ENAH: variants seen among roughly 807,000 people sequenced by gnomAD.
ENAH encodes the protein ENAH actin regulator.
In ENAH, 23 loss-of-function variants were observed where a neutral mutation model predicts 78.7. The observed-to-expected ratio is 0.29, with a 90% CI of 0.21 to 0.41. The LOEUF is 0.41. Among genes scored for constraint, ENAH ranks in the 10% least tolerant of loss-of-function variants. The pLI, the probability that ENAH is intolerant of heterozygous loss-of-function variation, is 1.00. For synonymous variants in ENAH, 226 were observed against 241.0 expected (o/e 0.94, Z 0.58); for missense variants, 544 against 691.0 (o/e 0.79, Z 2.39).
chr1:225,628,909 A>G (rs1433324631), intron 1 of ENAH, among the ~76,000 whole-genome samples: 1 of 151,086 alleles, frequency 6.6e-6, no homozygotes, highest in Non-Finnish European at 1.5e-5. Context: ...TCCGTCTCAA[A>G]AAAAAAAAAA....
intron 1 of ENAH, among the ~76,000 whole-genome samples, chr1:225,628,942 G>A (rs566304261): frequency 6.6e-6 from 1 of 151,392 alleles, no homozygotes; most frequent in African/African-American, 2.4e-5. Flanking sequence ...ACTGTGAACA[G>A]ATATGAAAAG....
chr1:225,557,467 T>G (rs2096672741), intron 2 of ENAH, among the ~76,000 whole-genome samples: 1 of 152,188 alleles, frequency 6.6e-6, no homozygotes, highest in Non-Finnish European at 1.5e-5. Context: ...AAAGTGTTCA[T>G]AACAAGTATC....
chr1:225,506,918 T>C (rs1032255257), intron 11 of ENAH, among the ~76,000 whole-genome samples: 1 of 152,164 alleles, frequency 6.6e-6, no homozygotes, highest in African/African-American at 2.4e-5. Flanking sequence ...AAGTTGCTTT[T>C]TACGAGACAA....
chr1:225,615,902 C>A (rs916554173), intron 1 of ENAH, among the ~76,000 whole-genome samples: 1 of 152,000 alleles, frequency 6.6e-6, no homozygotes. Context: ...GGGAAATGTG[C>A]GGAAAAGAAA....
intron 1 of ENAH, among the ~76,000 whole-genome samples, chr1:225,620,256 G>A (rs562342946): frequency 1.2e-4 from 18 of 151,952 alleles, no homozygotes; most frequent in African/African-American, 2.9e-4. Flanking sequence ...GGCCTCGCGC[G>A]GTGGTTCACA....
At chr1:225,653,385 G>A (rs551224078), upstream of ENAH, among the ~76,000 whole-genome samples, 1 of 151,418 alleles carries the variant, frequency 6.6e-6, no homozygotes, top group Admixed American at 6.6e-5. The surrounding 1 kb of genome is among the most constrained non-coding windows in gnomAD (Gnocchi z 4.3). Flanking sequence ...CCCGCCCCCT[G>A]CACCCCTCTG....
chr1:225,596,684 T>C (rs763238509), intron 1 of ENAH, among the ~76,000 whole-genome samples: 2 of 152,240 alleles, frequency 1.3e-5, no homozygotes, highest in African/African-American at 2.4e-5. Flanking sequence ...TCTAAATCCA[T>C]TGTAATGTTT....
Position 225,497,804 on chromosome 1 carries a change from G to C in ENAH, c.1684C>G (p.Gln562Glu), listed in dbSNP as rs2096256844. The C allele has an allele frequency of 1.2e-6, 2 of 1,611,990 alleles. No individual in the cohort carries two copies. The highest frequency in any genetic ancestry group is 2.2e-5 in the South Asian group (2 of 90,946). ...GCAGTATTTGACTTGCTCAGTTCCT[G>C]CCTGATTGCTGGATGGAAAAGAACA... Reference protein sequence around the residue: ...LKEELIDAIRQELSKSNTA With the variant: ...LKEELIDAIREELSKSNTA Residue 562 changes from glutamine to glutamate, a missense_variant, in exon 14 of 14, where the codon CAG becomes GAG. By Grantham distance (29) the Gln-to-Glu change is conservative. This residue lies in a region of ENAH where 97 missense variants were observed against 124.4 expected (regional missense o/e 0.78). Coordinates refer to ENST00000366843, the MANE Select transcript of ENAH (RefSeq NM_018212.6).
chr1:225,645,506 C>T (rs1240671499), intron 1 of ENAH, among the ~76,000 whole-genome samples: 1 of 152,160 alleles, frequency 6.6e-6, no homozygotes, highest in Non-Finnish European at 1.5e-5. Flanking sequence ...CATTTGTGTA[C>T]AAGTTTTTCT....
chr1:225,606,552 A>G (rs1486810216), intron 1 of ENAH, among the ~76,000 whole-genome samples: 1 of 152,134 alleles, frequency 6.6e-6, no homozygotes, highest in Non-Finnish European at 1.5e-5. Flanking sequence ...TCCATTCAAA[A>G]TAAGTCAACT....
In ENAH at chr1:225,615,411, C is replaced by T. The variant is rs376974833; in HGVS notation, c.5+37275G>A. Among the ~76,000 whole-genome samples, 5 of 152,178 alleles carry T rather than the reference C, an allele frequency of 3.3e-5. No individual in the cohort carries two copies. The East Asian group carries it at 5.8e-4, about 18-fold the overall frequency. ...CTCGCTACAACCTCCACCTCCCAGC[C>T]GCCTGCCTTGGCCTCCCAAAGTGCC... On this transcript the variant is annotated intron_variant, in intron 1 of 13. Coordinates refer to ENST00000366843, the MANE Select transcript of ENAH (RefSeq NM_018212.6).
Position 225,519,393 on chromosome 1 carries a change from G to T in ENAH, c.607C>A (p.Arg203Ser). 6.2e-7 allele frequency: 1 copy of T among 1,606,370 alleles called. No individual in the cohort carries two copies. ...TCCAGGCGTTCCTGCCGCTCCAGGCGTTCCTGCCGTTCCCGTTCTTGTCTC... is the reference window on the plus strand; with the variant it reads ...TCCAGGCGTTCCTGCCGCTCCAGGCTTTCCTGCCGTTCCCGTTCTTGTCTC... ...RERQERERQERLERQERLERQ... is the reference protein window; with the variant it reads ...RERQERERQESLERQERLERQ... The change falls in exon 5 of 14, where the codon CGC (arginine) becomes AGC (serine). Residue 203 changes from arginine to serine, a missense_variant. Around this residue, in one of 4 missense-constraint regions of ENAH, gnomAD observed 366 missense variants for 396.1 expected, o/e 0.92. Coordinates refer to ENST00000366843, the MANE Select transcript of ENAH (RefSeq NM_018212.6).
chr1:225,528,116 ACTT>A (rs755987184), intron 4 of ENAH, among the ~76,000 whole-genome samples: 100 of 152,266 alleles, frequency 6.6e-4, no homozygotes, highest in Non-Finnish European at 9.7e-4. Context: ...AGTACCAGAA[ACTT>A]CTTAACTTTT....
In ENAH at chr1:225,489,264, G is replaced by C. The variant is rs2096212047; in HGVS notation, c.*8511C>G. 1 of 152,128 alleles carries C rather than the reference G, an allele frequency of 6.6e-6. No individual in the cohort carries two copies. The highest frequency in any genetic ancestry group is 6.5e-5 in the Admixed American group (1 of 15,278). 9.4% of individuals were successfully genotyped at this position (152,128 alleles called of 1,614,324 possible). A position where few individuals can be genotyped will look rare whatever the true frequency, so the allele number is the denominator to read the frequency against. On this transcript the variant is annotated 3_prime_UTR_variant, in exon 14 of 14. Transcript: ENST00000366843. ...TGATTGGAATCAGTCTTTCTGAACG[G>C]CAGAATGTGCTTCCAGGTTGAAGCA...
At position 225,511,372 on chromosome 1, in the gene ENAH, T is replaced by G. The variant is rs141552224; in HGVS notation, c.1471+439A>C. Among the ~76,000 whole-genome samples the G allele has an allele frequency of 8.8e-4, 134 of 152,312 alleles. 1 individual carries two copies. Among genetic ancestry groups the G allele is most frequent in the African/African-American group, 3.2e-3 (134 of 41,568 alleles). On this transcript the variant is annotated intron_variant, in intron 10 of 13. Coordinates refer to ENST00000366843, the MANE Select transcript of ENAH (RefSeq NM_018212.6). ...TCAAGAATTCTCAATGTCAGAAATT[T>G]CACTGAATTCAAGAACACTTCCCCA... is the stretch of plus-strand genomic sequence containing the variant.
intron 1 of ENAH, among the ~76,000 whole-genome samples, chr1:225,568,908 G>C (rs1052651587): frequency 6.6e-6 from 1 of 152,192 alleles, no homozygotes; most frequent in Non-Finnish European, 1.5e-5. Context: ...AAACTAACTT[G>C]TAACAATATT....
chr1:225,552,229 C>T lies in ENAH; in HGVS notation c.349+2677G>A, dbSNP rs566127954. Among the ~76,000 whole-genome samples, 361 of 151,632 alleles carry T rather than the reference C, an allele frequency of 2.4e-3. 1 individual carries two copies. Among genetic ancestry groups the T allele is most frequent in the Non-Finnish European group, 4.0e-3 (274 of 67,892 alleles). On this transcript the variant is annotated intron_variant, in intron 3 of 13. Transcript: ENST00000366843. ...TCAGCTCACTGCAAGCTCCGCCTCC[C>T]GGGTTCACACCATTCTCCTGCCTCA...
intron 9 of ENAH, 94 bp downstream of exon 9, chr1:225,512,563 A>G (rs1337858473): frequency 3.1e-6 from 4 of 1,283,100 alleles, no homozygotes; most frequent in Non-Finnish European, 4.3e-6. Flanking sequence ...AAACTAATTA[A>G]GCCCAAATTA....
At chr1:225,508,251 A>T (rs1318440690) in intron 10 of ENAH, 18 of 277,896 alleles carry the variant, frequency 6.5e-5, no homozygotes, top group Middle Eastern at 2.0e-3. Flanking sequence ...GAAAACTTAC[A>T]TTGTTAAGTC....
Sources: allele counts gnomAD v4.1 joint callset (sites outside exome capture counted in the v4.1 genomes callset), GRCh38; gene constraint gnomAD v4.1.1; regional missense constraint gnomAD v4.1.1; non-coding constraint Gnocchi (gnomAD v3.1); transcripts MANE v1.5; gene names NCBI Gene and HGNC (gene_info 2026-07-23, HGNC 2026-07-21).